KCNIP4: variants seen among roughly 807,000 people sequenced by gnomAD.
The protein encoded by KCNIP4 is Kv channel-interacting protein 4.
Under a neutral mutation model 34.0 loss-of-function variants are expected in KCNIP4, and 12 were observed. The ratio of observed to expected loss-of-function variants is 0.35; its 90% CI spans 0.23 to 0.57. The LOEUF (loss-of-function observed/expected upper bound fraction) is 0.57. KCNIP4 is among the 20% of genes least tolerant of loss of function. The pLI is 0.83. For missense variants in KCNIP4, 238 were observed against 311.7 expected (o/e 0.76, Z 1.78); for synonymous variants, 124 against 102.2 (o/e 1.21, Z -1.29).
chr4:21,004,482 C>G (rs1318767174), intron 1 of KCNIP4, among the ~76,000 whole-genome samples: 1 of 152,172 alleles, frequency 6.6e-6, no homozygotes, highest in Non-Finnish European at 1.5e-5. Flanking sequence ...CCTGGAGAGA[C>G]AGTCCACACA....
At chr4:21,338,043 G>A (rs1321851799) in intron 1 of KCNIP4, among the ~76,000 whole-genome samples, 2 of 151,900 alleles carry the variant, frequency 1.3e-5, no homozygotes, top group East Asian at 3.9e-4. Flanking sequence ...TGTAGCTTTT[G>A]TCCTTGGCTT....
At chr4:21,348,083 T>C (rs191269203) in intron 1 of KCNIP4, among the ~76,000 whole-genome samples, 1 of 152,266 alleles carries the variant, frequency 6.6e-6, no homozygotes, top group Non-Finnish European at 1.5e-5. Context: ...CTGTGTGGCC[T>C]GGAAAGTGAC....
chr4:21,623,691 C>T (rs745833145), intron 1 of KCNIP4, among the ~76,000 whole-genome samples: 2 of 151,668 alleles, frequency 1.3e-5, no homozygotes, highest in Non-Finnish European at 2.9e-5. Context: ...TTAGTAGTTA[C>T]CAATAGTTCT....
chr4:21,150,980 C>T (rs775014670), intron 1 of KCNIP4, among the ~76,000 whole-genome samples: 4 of 152,132 alleles, frequency 2.6e-5, no homozygotes, highest in Non-Finnish European at 5.9e-5. Flanking sequence ...ATCTTGTTAT[C>T]ACTCAGTTTT....
At chr4:21,243,661 G>A (rs528220270) in intron 1 of KCNIP4, among the ~76,000 whole-genome samples, 92 of 152,244 alleles carry the variant, frequency 6.0e-4, no homozygotes, top group African/African-American at 2.0e-3. Flanking sequence ...TGCATTAAAT[G>A]CTTTCCACAG....
At position 21,255,937 on chromosome 4, in the gene KCNIP4, G is replaced by A. The variant is rs542374108; in HGVS notation, c.62-373228C>T. Among the ~76,000 whole-genome samples, 11 of 152,246 alleles carry A rather than the reference G, an allele frequency of 7.2e-5. No individual in the cohort carries two copies. The East Asian group carries it at 1.7e-3, about 24-fold the overall frequency. On this transcript the variant is annotated intron_variant, in intron 1 of 8. Coordinates refer to ENST00000382152, the MANE Select transcript of KCNIP4 (RefSeq NM_025221.6). ...TATGTCAAGCAGTTATCCAGGCACT[G>A]AAGATAAAACAGTGAACCAGTCTGA...
chr4:21,617,026 G>A (rs1364396434), intron 1 of KCNIP4, among the ~76,000 whole-genome samples: 2 of 152,128 alleles, frequency 1.3e-5, no homozygotes, highest in Non-Finnish European at 2.9e-5. Context: ...CTTTGGCCAA[G>A]GGCGATGTGG....
chr4:21,377,544 TC>T, intron 1 of KCNIP4, among the ~76,000 whole-genome samples: 1 of 152,320 alleles, frequency 6.6e-6, no homozygotes, highest in Non-Finnish European at 1.5e-5. Flanking sequence ...GTGTATCAAT[TC>T]TTTTTGTATA....
At chr4:21,367,006 G>C (rs978415405) in intron 1 of KCNIP4, among the ~76,000 whole-genome samples, 1 of 152,088 alleles carries the variant, frequency 6.6e-6, no homozygotes, top group African/African-American at 2.4e-5. Context: ...CTTTAAAAAG[G>C]CTTGAGGGAG....
intron 1 of KCNIP4, among the ~76,000 whole-genome samples, chr4:20,972,337 C>A (rs780510657): frequency 8.5e-5 from 13 of 152,124 alleles, no homozygotes; most frequent in Admixed American, 3.9e-4. Context: ...GCAGCTATAG[C>A]CTTACAAAAT....
At chr4:21,889,151 C>G (rs950417950) in intron 1 of KCNIP4, among the ~76,000 whole-genome samples, 1 of 152,116 alleles carries the variant, frequency 6.6e-6, no homozygotes, top group African/African-American at 2.4e-5. Context: ...CAAACAACCA[C>G]AGGTTATCCA....
intron 1 of KCNIP4, among the ~76,000 whole-genome samples, chr4:20,987,148 C>T (rs1329195228): frequency 3.9e-5 from 6 of 152,104 alleles, no homozygotes; most frequent in Non-Finnish European, 7.4e-5. Context: ...GCCTGCATAG[C>T]GCTTTGGGAG....
At chr4:20,945,285 T>C (rs527999317) in intron 1 of KCNIP4, among the ~76,000 whole-genome samples, 3 of 152,122 alleles carry the variant, frequency 2.0e-5, no homozygotes, top group Non-Finnish European at 4.4e-5. Flanking sequence ...CATTCAACCA[T>C]CTTATTTTCC....
intron 1 of KCNIP4, among the ~76,000 whole-genome samples, chr4:21,241,116 T>A (rs1267325243): frequency 6.6e-6 from 1 of 152,136 alleles, no homozygotes; most frequent in Non-Finnish European, 1.5e-5. Context: ...CATGGAATTT[T>A]GTTGATGGTA....
intron 1 of KCNIP4, among the ~76,000 whole-genome samples, chr4:21,259,036 G>A (rs1364834): frequency 2.6e-5 from 4 of 151,936 alleles, no homozygotes; most frequent in Non-Finnish European, 5.9e-5. Flanking sequence ...ACTATTTTTC[G>A]TATTTCACAG....
chr4:21,869,412 T>C (rs980505526), intron 1 of KCNIP4, among the ~76,000 whole-genome samples: 1 of 152,148 alleles, frequency 6.6e-6, no homozygotes, highest in African/African-American at 2.4e-5. Context: ...AATTGCATTA[T>C]TTGACACTTT....
chr4:21,624,464 A>G lies in KCNIP4; in HGVS notation c.61+324107T>C, dbSNP rs376229170. ...GACCTTCGACCTTGATTCTTAACCT[A>G]GGATGGGATAATTATATGATTCATA... On this transcript the variant is annotated intron_variant, in intron 1 of 8. Coordinates refer to ENST00000382152, the MANE Select transcript of KCNIP4 (RefSeq NM_025221.6). 1.7e-3 allele frequency among the ~76,000 whole-genome samples: 263 copies of G among 152,314 alleles called. 10 individuals are homozygous for G. The South Asian group carries it at 0.048, about 28-fold the overall frequency.
At chr4:21,143,350 G>T (rs941808590) in intron 1 of KCNIP4, among the ~76,000 whole-genome samples, 1 of 152,196 alleles carries the variant, frequency 6.6e-6, no homozygotes, top group Admixed American at 6.5e-5. Flanking sequence ...AGTAATAAGG[G>T]TGGTCTCTAG....
chr4:20,773,050 A>AG (rs1162443324), intron 3 of KCNIP4, among the ~76,000 whole-genome samples: 1 of 151,562 alleles, frequency 6.6e-6, no homozygotes, highest in Admixed American at 6.6e-5. Flanking sequence ...AGTTAAAGAA[A>AG]AAAAAAAAAA....
Sources: allele counts gnomAD v4.1 joint callset (sites outside exome capture counted in the v4.1 genomes callset), GRCh38; gene constraint gnomAD v4.1.1; transcripts MANE v1.5; gene names NCBI Gene and HGNC (gene_info 2026-07-23, HGNC 2026-07-21).